Variants in TMEM117 observed in about 807,000 individuals in gnomAD.
TMEM117 encodes transmembrane protein 117.
A neutral mutation model predicts 52.4 loss-of-function variants in TMEM117; 27 were observed. The ratio of observed to expected loss-of-function variants is 0.51; its 90% CI spans 0.38 to 0.71. The LOEUF is 0.71. TMEM117 is among the 30% of genes least tolerant of loss of function. TMEM117 has a pLI of 0.00. For missense variants in TMEM117, 556 were observed against 630.5 expected (o/e 0.88, Z 1.26); for synonymous variants, 215 against 206.3 (o/e 1.04, Z -0.36).
At chr12:43,843,103 A>G (rs1943142053) in intron 1 of TMEM117, among the ~76,000 whole-genome samples, 1 of 152,296 alleles carries the variant, frequency 6.6e-6, no homozygotes, top group Non-Finnish European at 1.5e-5. Flanking sequence ...TGATACAATG[A>G]TACACGCAGA....
Position 44,374,350 on chromosome 12 carries a change from A to G in TMEM117, c.769-2245A>G, listed in dbSNP as rs148178293. ...AAAAAGTAAAATAGAAAGGATGGAT[A>G]TGAAAGACTTTATGAATGAGTCATC... On this transcript the variant is annotated intron_variant, in intron 6 of 7. Coordinates refer to ENST00000266534, the MANE Select transcript of TMEM117 (RefSeq NM_032256.3). Among the ~76,000 whole-genome samples the G allele has an allele frequency of 7.4e-3, 1,127 of 152,252 alleles. 15 individuals carry two copies. Among genetic ancestry groups the G allele is most frequent in the African/African-American group, 0.026 (1,068 of 41,536 alleles).
intron 2 of TMEM117, among the ~76,000 whole-genome samples, chr12:43,877,918 C>CAG (rs1303447502): frequency 6.7e-6 from 1 of 149,362 alleles, no homozygotes; most frequent in Non-Finnish European, 1.5e-5. Context: ...CACACACACA[C>CAG]ACACACACAC....
chr12:43,966,552 G>C (rs1288750783), intron 3 of TMEM117, among the ~76,000 whole-genome samples: 2 of 152,096 alleles, frequency 1.3e-5, no homozygotes, highest in Non-Finnish European at 1.5e-5. Context: ...GAATTACCTT[G>C]GGATACTCTA....
At chr12:43,799,616 G>T in the TMEM117 span, 2 of 542,808 alleles carry the variant, frequency 3.7e-6, no homozygotes, top group Non-Finnish European at 6.1e-6. Flanking sequence ...AAAATAAATA[G>T]CATTATGAAT....
intron 4 of TMEM117, among the ~76,000 whole-genome samples, chr12:44,156,769 G>A (rs1948830982): frequency 6.6e-6 from 1 of 152,058 alleles, no homozygotes; most frequent in South Asian, 2.1e-4. Context: ...ATGAGGGTAA[G>A]ATGGATATGA....
At chr12:44,206,773 A>T (rs1949573181) in intron 4 of TMEM117, among the ~76,000 whole-genome samples, 1 of 152,126 alleles carries the variant, frequency 6.6e-6, no homozygotes, top group Admixed American at 6.6e-5. Context: ...GAATATATGG[A>T]GGCACAATGA....
At chr12:44,330,203 G>A (rs1951250541) in intron 6 of TMEM117, among the ~76,000 whole-genome samples, 1 of 152,036 alleles carries the variant, frequency 6.6e-6, no homozygotes, top group African/African-American at 2.4e-5. Flanking sequence ...TGAATGTGAA[G>A]TGGTATCTCA....
chr12:43,890,522 C>T (rs1384308398), intron 2 of TMEM117, among the ~76,000 whole-genome samples: 1 of 151,672 alleles, frequency 6.6e-6, no homozygotes, highest in African/African-American at 2.4e-5. Context: ...ATTTTCTCTT[C>T]TTTTTTGTTT....
chr12:44,023,960 TAA>T (rs140411826), intron 3 of TMEM117, among the ~76,000 whole-genome samples: 2 of 149,214 alleles, frequency 1.3e-5, no homozygotes, highest in African/African-American at 4.9e-5. Flanking sequence ...ACTTAAAGTA[TAA>T]AAAAAAAATC....
In TMEM117 at chr12:44,028,622, G is replaced by A. The variant is rs149939339; in HGVS notation, c.410+84280G>A. On this transcript the variant is annotated intron_variant, in intron 3 of 7. Transcript: ENST00000266534. ...GACAGTTTACAAATGCCATGGCAGC[G>A]TCAGGAAGTTACCCTATATGGTCTA... 2.2e-3 allele frequency among the ~76,000 whole-genome samples: 329 copies of A among 152,282 alleles called. 2 individuals are homozygous for A. The highest frequency in any genetic ancestry group is 3.9e-3 in the Non-Finnish European group (267 of 68,028).
chr12:44,354,197 A>T (rs1951609170), intron 6 of TMEM117, among the ~76,000 whole-genome samples: 1 of 152,124 alleles, frequency 6.6e-6, no homozygotes. Flanking sequence ...TTTTGGGCTG[A>T]GACGATGGGT....
chr12:44,395,430 C>T, the TMEM117 span, among the ~76,000 whole-genome samples: 2 of 152,204 alleles, frequency 1.3e-5, no homozygotes, highest in African/African-American at 4.8e-5. Flanking sequence ...CTGGCTCTCA[C>T]CTTTTCCAGT....
At chr12:43,896,845 T>G (rs1182621092) in intron 2 of TMEM117, among the ~76,000 whole-genome samples, 1 of 152,200 alleles carries the variant, frequency 6.6e-6, no homozygotes, top group African/African-American at 2.4e-5. Flanking sequence ...TGCATTAATA[T>G]GAGGAGGTTT....
chr12:44,082,410 G>A (rs1831003467), intron 3 of TMEM117, among the ~76,000 whole-genome samples: 1 of 151,866 alleles, frequency 6.6e-6, no homozygotes, highest in African/African-American at 2.4e-5. Flanking sequence ...ATAGGTTTCT[G>A]TTCTAAGTCA....
At chr12:43,912,689 C>T (rs1208633990) in intron 2 of TMEM117, among the ~76,000 whole-genome samples, 2 of 150,948 alleles carry the variant, frequency 1.3e-5, no homozygotes, top group Admixed American at 6.6e-5. Flanking sequence ...TTTTTTTCAC[C>T]TTGGTTAATA....
chr12:43,813,460 G>T, the TMEM117 span, among the ~76,000 whole-genome samples: 1 of 151,722 alleles, frequency 6.6e-6, no homozygotes, highest in Non-Finnish European at 1.5e-5. Context: ...GGTTAGGCTG[G>T]TCTCGAACTA....
At chr12:44,078,213 A>G (rs1283061171) in intron 3 of TMEM117, among the ~76,000 whole-genome samples, 1 of 152,226 alleles carries the variant, frequency 6.6e-6, no homozygotes, top group African/African-American at 2.4e-5. Flanking sequence ...CCCCTCAACT[A>G]GTATTTTGAA....
chr12:43,846,956 C>T (rs1045408970), intron 2 of TMEM117, among the ~76,000 whole-genome samples: 8 of 152,016 alleles, frequency 5.3e-5, no homozygotes, highest in African/African-American at 1.7e-4. Flanking sequence ...TATTTTATAT[C>T]GTCTTGTGCC....
At chr12:44,367,278 A>T (rs1951801690) in intron 6 of TMEM117, among the ~76,000 whole-genome samples, 1 of 151,976 alleles carries the variant, frequency 6.6e-6, no homozygotes, top group African/African-American at 2.4e-5. Context: ...CTTTGTCCCC[A>T]ATGTCGGCTT....
Sources: allele counts gnomAD v4.1 joint callset (sites outside exome capture counted in the v4.1 genomes callset), GRCh38; gene constraint gnomAD v4.1.1; transcripts MANE v1.5; gene names NCBI Gene and HGNC (gene_info 2026-07-23, HGNC 2026-07-21).